The following ENPEP variants were observed in gnomAD, a reference collection of about 807,000 sequenced individuals.
ENPEP encodes the protein AP-A.
ENPEP carries 103 observed loss-of-function variants against 114.5 expected under a neutral mutation model. The observed-to-expected ratio is 0.90, with a 90% confidence interval of 0.77 to 1.06. ENPEP has a LOEUF of 1.06. Among genes scored for constraint, ENPEP ranks in the 50% least tolerant of loss-of-function variants. ENPEP has a pLI of 0.00. For missense variants in ENPEP, 1,196 were observed against 1,161.3 expected, an observed-to-expected ratio of 1.03 and a Z score of -0.43; for synonymous variants, 420 against 422.0, an observed-to-expected ratio of 1.00 and a Z score of 0.06.
At chr4:110,507,104 A>G (rs1274672027) in intron 4 of ENPEP, among the ~76,000 whole-genome samples, 1 of 152,356 alleles carries the variant, frequency 6.6e-6, no homozygotes, top group East Asian at 1.9e-4. Context: ...ATCGGCATTC[A>G]TCCCAATACT....
intron 10 of ENPEP, among the ~76,000 whole-genome samples, chr4:110,529,898 A>T (rs1046354858): frequency 6.9e-6 from 1 of 145,436 alleles, no homozygotes; most frequent in African/African-American, 2.5e-5. Context: ...ACATAGTGAA[A>T]CCCCGTCTCT....
At chr4:110,499,461 G>A (rs1374171532) in intron 3 of ENPEP, among the ~76,000 whole-genome samples, 1 of 152,144 alleles carries the variant, frequency 6.6e-6, no homozygotes, top group Non-Finnish European at 1.5e-5. Context: ...TATACAATGA[G>A]GAAGTTTATT....
At chr4:110,511,578 G>A (rs780080615) in intron 6 of ENPEP, among the ~76,000 whole-genome samples, 5 of 152,084 alleles carry the variant, frequency 3.3e-5, no homozygotes, top group Non-Finnish European at 7.3e-5. Context: ...ACAGTATACT[G>A]AGGCCCTTAT....
chr4:110,524,487 G>A (rs537372666), intron 10 of ENPEP, among the ~76,000 whole-genome samples: 16 of 152,140 alleles, frequency 1.1e-4, no homozygotes, highest in Admixed American at 3.3e-4. Flanking sequence ...AAATTTTACC[G>A]AATTCATTTA....
At chr4:110,539,537 G>T (rs377542675) in intron 11 of ENPEP, among the ~76,000 whole-genome samples, 1 of 152,082 alleles carries the variant, frequency 6.6e-6, no homozygotes, top group Non-Finnish European at 1.5e-5. Context: ...AGCATTACTC[G>T]TGTCTTTCAG....
At chr4:110,543,788 G>T (rs1033258538) in intron 13 of ENPEP, among the ~76,000 whole-genome samples, 1 of 151,924 alleles carries the variant, frequency 6.6e-6, no homozygotes, top group Non-Finnish European at 1.5e-5. Context: ...TGAGCAATGT[G>T]CTAAGAATGA....
intron 13 of ENPEP, among the ~76,000 whole-genome samples, chr4:110,544,847 C>T (rs1726994884): frequency 1.3e-5 from 2 of 152,124 alleles, no homozygotes; most frequent in Non-Finnish European, 2.9e-5. Flanking sequence ...CTCACATTTG[C>T]TCAGCTCCTT....
At chr4:110,520,158 C>G (rs1313131999) in intron 9 of ENPEP, 57 bp from the exon 10 acceptor site, 2 of 1,594,614 alleles carry the variant, frequency 1.3e-6, no homozygotes, top group Middle Eastern at 1.7e-4. Context: ...ACTATTCTAT[C>G]CTTTTATTTT....
chr4:110,479,158 A>G (rs1289336447), intron 1 of ENPEP, among the ~76,000 whole-genome samples: 3 of 152,208 alleles, frequency 2.0e-5, no homozygotes, highest in Non-Finnish European at 4.4e-5. Context: ...TAGCTGTGGC[A>G]TAATTATATT....
chr4:110,533,148 C>A, intron 11 of ENPEP: 4 of 441,852 alleles, frequency 9.1e-6, no homozygotes, highest in East Asian at 7.0e-5. Context: ...AGTTTGAAAG[C>A]GTGAATAATT....
At chr4:110,489,492 G>A (rs1724623148) in intron 2 of ENPEP, among the ~76,000 whole-genome samples, 1 of 151,988 alleles carries the variant, frequency 6.6e-6, no homozygotes, top group East Asian at 1.9e-4. Context: ...AACCACAGTG[G>A]CACGTGTATA....
At position 110,549,756 on chromosome 4, in the gene ENPEP, A is replaced by G; in HGVS notation, c.2371A>G (p.Met791Val). 6.2e-7 allele frequency: 1 copy of G among 1,613,410 alleles called. No individual in the cohort carries two copies. The highest frequency in any genetic ancestry group is 8.5e-7 in the Non-Finnish European group (1 of 1,179,584). The change falls in exon 17 of 20, where the codon ATG becomes GTG. Residue 791 changes from methionine to valine, a missense_variant. Transcript: ENST00000265162. Reference protein sequence around the residue: ...NLRLLVYRYGMQNSGNEISWN... With the variant: ...NLRLLVYRYGVQNSGNEISWN... ...CAGGCTTCTGGTGTATCGGTATGGGATGCAGAACTCTGGCAATGAGATTTC... is the reference window on the plus strand; with the variant it reads ...CAGGCTTCTGGTGTATCGGTATGGGGTGCAGAACTCTGGCAATGAGATTTC...
intron 18 of ENPEP, among the ~76,000 whole-genome samples, chr4:110,555,627 T>C (rs569840460): frequency 6.6e-6 from 1 of 152,148 alleles, no homozygotes; most frequent in East Asian, 1.9e-4. Context: ...GTTGACCCAA[T>C]AATAAGGTGG....
intron 10 of ENPEP, among the ~76,000 whole-genome samples, chr4:110,523,044 T>C (rs566328410): frequency 6.6e-6 from 1 of 152,062 alleles, no homozygotes; most frequent in South Asian, 2.1e-4. Context: ...TGAGTGCCTG[T>C]AAGGGCAGGA....
intron 8 of ENPEP, chr4:110,515,899 G>GGGA (rs1725748115): frequency 2.4e-6 from 1 of 414,716 alleles, no homozygotes; most frequent in African/African-American, 2.0e-5. Flanking sequence ...AGAGAGAGAG[G>GGGA]GAGAGAGAGA....
chr4:110,503,673 G>A (rs542204252), intron 3 of ENPEP, among the ~76,000 whole-genome samples: 1 of 152,214 alleles, frequency 6.6e-6, no homozygotes, highest in South Asian at 2.1e-4. Context: ...CATCTGTGTG[G>A]GCTGACTTTC....
chr4:110,476,256 A>C lies in ENPEP; in HGVS notation c.-159A>C. Reference sequence around the variant, plus strand: ...GTGGCTGGTGGGAACGTGAAAAGGGAGAGGAAAAGGCGCAAGAAGCCAGAG... The same window carrying C: ...GTGGCTGGTGGGAACGTGAAAAGGGCGAGGAAAAGGCGCAAGAAGCCAGAG... On this transcript the variant is annotated 5_prime_UTR_variant, in exon 1 of 20. Coordinates refer to ENST00000265162, the MANE Select transcript of ENPEP (RefSeq NM_001977.4). 1 of 819,638 alleles carries C rather than the reference A, an allele frequency of 1.2e-6. No homozygotes were observed. Among genetic ancestry groups the C allele is most frequent in the Non-Finnish European group, 1.8e-6 (1 of 554,238 alleles). The allele number at this position is 819,638 out of a possible 1,614,324, so 50.8% of individuals were successfully genotyped here.
intron 4 of ENPEP, among the ~76,000 whole-genome samples, chr4:110,507,709 C>T (rs1725422208): frequency 6.6e-6 from 1 of 152,264 alleles, no homozygotes; most frequent in Non-Finnish European, 1.5e-5. Context: ...GGTGCAGTGG[C>T]TCACGCCTGT....
At chr4:110,484,760 A>AT (rs1292793667) in intron 1 of ENPEP, among the ~76,000 whole-genome samples, 2 of 115,114 alleles carry the variant, frequency 1.7e-5, no homozygotes, top group Non-Finnish European at 3.6e-5. Flanking sequence ...TATTTTATAT[A>AT]TATATTATAT....
Sources: allele counts gnomAD v4.1 joint callset (sites outside exome capture counted in the v4.1 genomes callset), GRCh38; gene constraint gnomAD v4.1.1; transcripts MANE v1.5; gene names NCBI Gene and HGNC (gene_info 2026-07-23, HGNC 2026-07-21).